Variants in FSIP1 observed in about 807,000 individuals in gnomAD.
FSIP1 encodes the protein fibrous sheath interacting protein 1.
A neutral mutation model predicts 60.9 loss-of-function variants in FSIP1; 65 were observed. The observed-to-expected ratio is 1.07, with a 90% CI of 0.87 to 1.31. The LOEUF is 1.31. FSIP1 is among the 40% of genes most tolerant of loss of function. The probability of loss-of-function intolerance (pLI) is 0.00; values close to 1 mark genes in which losing one functional copy is unlikely to be tolerated. For missense variants in FSIP1, 675 were observed against 665.5 expected, an observed-to-expected ratio of 1.01 and a Z score of -0.16; for synonymous variants, 209 against 221.2, an observed-to-expected ratio of 0.94 and a Z score of 0.49.
chr15:39,691,928 G>A (rs2140505920), intron 10 of FSIP1, among the ~76,000 whole-genome samples: 1 of 152,206 alleles, frequency 6.6e-6, no homozygotes, highest in Admixed American at 6.5e-5. Context: ...TTAAAAGCTA[G>A]ACTAGCAATT....
At chr15:39,673,133 C>T (rs1893786378) in intron 10 of FSIP1, among the ~76,000 whole-genome samples, 2 of 152,058 alleles carry the variant, frequency 1.3e-5, no homozygotes. Context: ...CCAAAAACTG[C>T]CCAAAAGGTT....
chr15:39,673,507 G>T (rs1289098458), intron 10 of FSIP1, among the ~76,000 whole-genome samples: 1 of 151,960 alleles, frequency 6.6e-6, no homozygotes, highest in South Asian at 2.1e-4. Flanking sequence ...TAGAGACGAG[G>T]TCTCGCTTTG....
chr15:39,607,197 G>T (rs1440936889), intron 11 of FSIP1, among the ~76,000 whole-genome samples: 1 of 152,136 alleles, frequency 6.6e-6, no homozygotes. Context: ...TGCTCCCCAA[G>T]GCTCCATGCT....
intron 2 of FSIP1, among the ~76,000 whole-genome samples, chr15:39,773,642 G>A (rs1286937757): frequency 1.3e-5 from 2 of 152,138 alleles, no homozygotes; most frequent in African/African-American, 4.8e-5. Context: ...TTTGCAGCCT[G>A]GACAACATAG....
chr15:39,702,949 A>G (rs1002100710), intron 10 of FSIP1, among the ~76,000 whole-genome samples: 9 of 151,308 alleles, frequency 5.9e-5, no homozygotes, highest in Non-Finnish European at 1.2e-4. Context: ...AAAAATAAGT[A>G]ATATTATAAA....
At chr15:39,626,982 T>C (rs1891667813) in intron 10 of FSIP1, among the ~76,000 whole-genome samples, 1 of 151,108 alleles carries the variant, frequency 6.6e-6, no homozygotes, top group Non-Finnish European at 1.5e-5. Context: ...CCTTCCCCCC[T>C]CACCCCAATC....
At chr15:39,782,353 T>C (rs2140748440) in intron 1 of FSIP1, among the ~76,000 whole-genome samples, 1 of 152,374 alleles carries the variant, frequency 6.6e-6, no homozygotes, top group East Asian at 1.9e-4. Flanking sequence ...TGGTGATCAG[T>C]TCTAGATCTT....
At chr15:39,630,607 C>T (rs945177569) in intron 10 of FSIP1, among the ~76,000 whole-genome samples, 8 of 152,200 alleles carry the variant, frequency 5.3e-5, no homozygotes, top group Non-Finnish European at 1.2e-4. Flanking sequence ...TTTACCTCTT[C>T]CAACTACCTA....
intron 10 of FSIP1, among the ~76,000 whole-genome samples, chr15:39,650,610 A>G (rs1892825990): frequency 6.6e-6 from 1 of 152,220 alleles, no homozygotes; most frequent in South Asian, 2.1e-4. Context: ...CAAAAAGACA[A>G]CAGCACCACT....
chr15:39,699,031 C>T (rs1029179588), intron 10 of FSIP1, among the ~76,000 whole-genome samples: 1 of 152,190 alleles, frequency 6.6e-6, no homozygotes, highest in Admixed American at 6.5e-5. Flanking sequence ...CTTGTGGTCT[C>T]AAGATGCCTC....
intron 9 of FSIP1, among the ~76,000 whole-genome samples, chr15:39,725,215 G>A (rs117993848): frequency 0.12 from 18,075 of 152,162 alleles, 1,300 homozygotes; most frequent in African/African-American, 0.2. Flanking sequence ...TGGTGACAGA[G>A]CGAGATTCCG....
chr15:39,694,445 C>T (rs1161707418), intron 10 of FSIP1, among the ~76,000 whole-genome samples: 2 of 152,080 alleles, frequency 1.3e-5, no homozygotes, highest in Non-Finnish European at 2.9e-5. Flanking sequence ...ACACAAAATC[C>T]TCAGTCACTA....
At chr15:39,742,364 T>C (rs1296040323) in intron 5 of FSIP1, among the ~76,000 whole-genome samples, 1 of 152,220 alleles carries the variant, frequency 6.6e-6, no homozygotes, top group Admixed American at 6.5e-5. Context: ...GGGAGACTCT[T>C]AGCAGTTAAC....
chr15:39,753,059 A>G (rs541851706), intron 5 of FSIP1, among the ~76,000 whole-genome samples: 1 of 152,252 alleles, frequency 6.6e-6, no homozygotes, highest in Non-Finnish European at 1.5e-5. Context: ...ATGTTAGTAA[A>G]TTTTTAAATC....
chr15:39,724,933 G>A lies in FSIP1; in HGVS notation c.1050+1656C>T, dbSNP rs184690477. 8.5e-4 allele frequency among the ~76,000 whole-genome samples: 129 copies of A among 152,168 alleles called. 3 individuals carry two copies. In the East Asian group the frequency reaches 0.017, roughly 21 times the overall value. ...ACATAAATAAACTAGCCTAACTCAT[G>A]TCAAAGTCCTGGGATACGGCCGGAT... On this transcript the variant is annotated intron_variant, in intron 9 of 11. Transcript: ENST00000350221.
intron 10 of FSIP1, among the ~76,000 whole-genome samples, chr15:39,635,873 C>G (rs1201006242): frequency 1.3e-5 from 2 of 152,080 alleles, no homozygotes; most frequent in Non-Finnish European, 2.9e-5. Context: ...TTAGGGAGTC[C>G]CATTTCAACG....
chr15:39,742,626 TTGAGGA>T (rs1896843694), intron 5 of FSIP1, among the ~76,000 whole-genome samples: 1 of 152,170 alleles, frequency 6.6e-6, no homozygotes, highest in African/African-American at 2.4e-5. Context: ...ATGGGAAGTC[TTGAGGA>T]TATTACAGGA....
rs116587409 is a variant in FSIP1 at position 39,755,544 on chromosome 15, A to G, written c.559+8277T>C. ...GATTGCTAAACAATGCTGAGACTCC[A>G]ACAGAAATTAAAAACCAAAATCCTT... On this transcript the variant is annotated intron_variant, in intron 5 of 11. Transcript: ENST00000350221. Among the ~76,000 whole-genome samples the G allele has an allele frequency of 5.0e-3, 762 of 152,258 alleles. 8 individuals carry two copies. The highest frequency in any genetic ancestry group is 0.018 in the African/African-American group (739 of 41,568).
At chr15:39,658,303 A>G (rs1595581794) in intron 10 of FSIP1, among the ~76,000 whole-genome samples, 1 of 130,520 alleles carries the variant, frequency 7.7e-6, no homozygotes, top group South Asian at 2.4e-4. Context: ...CCCAGGCTGG[A>G]GTATAGTGGC....
Sources: gnomAD v4.1 joint callset for allele counts (sites outside exome capture counted in the v4.1 genomes callset) on GRCh38, gnomAD v4.1.1 for gene constraint, MANE v1.5 for transcripts, NCBI Gene and HGNC (gene_info 2026-07-23, HGNC 2026-07-21) for gene names.